The following CLVS1 variants were observed in gnomAD, a reference collection of about 807,000 sequenced individuals.
CLVS1 encodes the protein clavesin 1, also known as clavesin-1.
Under a neutral mutation model 33.1 loss-of-function variants are expected in CLVS1, and 10 were observed. The observed-to-expected ratio is 0.30, with a 90% CI of 0.19 to 0.51. CLVS1 has a LOEUF of 0.51. CLVS1 is among the 20% of genes least tolerant of loss of function. The probability of loss-of-function intolerance (pLI) is 0.97; values close to 1 mark genes in which losing one functional copy is unlikely to be tolerated. For synonymous variants in CLVS1, 163 were observed against 166.1 expected, an observed-to-expected ratio of 0.98 and a Z score of 0.14; for missense variants, 343 against 433.4, an observed-to-expected ratio of 0.79 and a Z score of 1.85.
chr8:60,981,159 G>A, the CLVS1 span, among the ~76,000 whole-genome samples: 15 of 152,194 alleles, frequency 9.9e-5, no homozygotes, highest in Non-Finnish European at 2.2e-4. Flanking sequence ...AGTTGCAGCA[G>A]CCACAGGAAA....
At chr8:61,207,992 A>T (rs924122722) in intron 2 of CLVS1, among the ~76,000 whole-genome samples, 1 of 152,234 alleles carries the variant, frequency 6.6e-6, no homozygotes, top group Non-Finnish European at 1.5e-5. Context: ...GCAGGTAGAT[A>T]AAAGCGAGGA....
intron 2 of CLVS1, among the ~76,000 whole-genome samples, chr8:61,367,538 CCT>C (rs1036639702): frequency 1.3e-5 from 2 of 152,172 alleles, no homozygotes; most frequent in Non-Finnish European, 2.9e-5. Context: ...CTTTGCAACC[CCT>C]GTTACTTTCT....
intron 2 of CLVS1, among the ~76,000 whole-genome samples, chr8:61,186,498 G>T (rs1374884553): frequency 6.6e-6 from 1 of 152,122 alleles, no homozygotes; most frequent in South Asian, 2.1e-4. Context: ...GATGAGAGAG[G>T]GAAGAAAGTG....
At chr8:61,213,070 G>A (rs923875370) in intron 2 of CLVS1, among the ~76,000 whole-genome samples, 1 of 151,916 alleles carries the variant, frequency 6.6e-6, no homozygotes, top group Non-Finnish European at 1.5e-5. Flanking sequence ...TTTAATATTA[G>A]GGTGTAGGTG....
the CLVS1 span, among the ~76,000 whole-genome samples, chr8:61,007,213 C>T: frequency 2.6e-5 from 4 of 152,116 alleles, no homozygotes; most frequent in Admixed American, 2.0e-4. Context: ...TAATTTTAGT[C>T]GTGTTTAGAT....
chr8:61,095,253 T>C (rs1019219259), intron 1 of CLVS1, among the ~76,000 whole-genome samples: 1 of 152,218 alleles, frequency 6.6e-6, no homozygotes, highest in East Asian at 1.9e-4. Context: ...AAACCAACTA[T>C]GCAAAATAGC....
intron 1 of CLVS1, among the ~76,000 whole-genome samples, chr8:61,070,267 G>A (rs948115180): frequency 3.3e-5 from 5 of 152,154 alleles, no homozygotes; most frequent in Non-Finnish European, 7.4e-5. Context: ...CATATCACAT[G>A]CACTCCTCTT....
chr8:61,217,512 T>C (rs1182399310), intron 2 of CLVS1, among the ~76,000 whole-genome samples: 1 of 152,318 alleles, frequency 6.6e-6, no homozygotes, highest in East Asian at 1.9e-4. Flanking sequence ...ACCTCATGGT[T>C]CAGTTCAACA....
intron 1 of CLVS1, among the ~76,000 whole-genome samples, chr8:61,063,309 G>GAGA (rs1804619215): frequency 2.0e-5 from 3 of 148,698 alleles, no homozygotes; most frequent in Non-Finnish European, 4.4e-5. Context: ...GAGAGAGAGA[G>GAGA]AACAGTCATT....
At chr8:61,184,141 C>T (rs1291194763) in intron 2 of CLVS1, among the ~76,000 whole-genome samples, 2 of 152,136 alleles carry the variant, frequency 1.3e-5, no homozygotes, top group African/African-American at 2.4e-5. Flanking sequence ...TTTCATTAGC[C>T]TCCAGCCCAA....
chr8:61,477,723 A>G (rs572906150), intron 5 of CLVS1, among the ~76,000 whole-genome samples: 1 of 151,870 alleles, frequency 6.6e-6, no homozygotes, highest in Non-Finnish European at 1.5e-5. Context: ...TGGTCTATCA[A>G]TTTTGTCGAT....
the CLVS1 span, among the ~76,000 whole-genome samples, chr8:61,007,753 G>A: frequency 5.9e-5 from 9 of 152,342 alleles, no homozygotes; most frequent in South Asian, 1.9e-3. Flanking sequence ...AGAAAAGGAC[G>A]TGCAGGACAC....
intron 2 of CLVS1, among the ~76,000 whole-genome samples, chr8:61,234,587 T>A (rs1267462299): frequency 6.6e-6 from 1 of 152,066 alleles, no homozygotes; most frequent in Non-Finnish European, 1.5e-5. Flanking sequence ...CACCCTCAGG[T>A]CCACCCTAGG....
At chr8:61,433,153 C>A (rs79031639) in intron 3 of CLVS1, among the ~76,000 whole-genome samples, 2,277 of 152,300 alleles carry the variant, frequency 0.015, 60 homozygotes, top group African/African-American at 0.051. Flanking sequence ...GGTGTTTCAC[C>A]ATGTTGCCCA....
At chr8:60,971,270 G>A in the CLVS1 span, among the ~76,000 whole-genome samples, 1 of 151,894 alleles carries the variant, frequency 6.6e-6, no homozygotes, top group Non-Finnish European at 1.5e-5. Flanking sequence ...GTAGCGATAG[G>A]GTTTCGCCAT....
intron 3 of CLVS1, among the ~76,000 whole-genome samples, chr8:61,453,438 C>T (rs73257400): frequency 0.02 from 3,025 of 151,994 alleles, 93 homozygotes; most frequent in African/African-American, 0.063. Flanking sequence ...CTATTATTTA[C>T]GAAATAGGTT....
At chr8:61,319,138 G>A (rs1811110671) in intron 2 of CLVS1, among the ~76,000 whole-genome samples, 1 of 151,938 alleles carries the variant, frequency 6.6e-6, no homozygotes, top group Non-Finnish European at 1.5e-5. Context: ...CTCTACCATG[G>A]CATTTAATTT....
chr8:61,294,355 T>C (rs938207392), intron 1 of CLVS1, among the ~76,000 whole-genome samples: 2 of 152,148 alleles, frequency 1.3e-5, no homozygotes, highest in South Asian at 2.1e-4. Context: ...AATTAGACTA[T>C]ATAATATCAA....
At chr8:61,365,947 C>A (rs1813195128) in intron 2 of CLVS1, among the ~76,000 whole-genome samples, 1 of 152,132 alleles carries the variant, frequency 6.6e-6, no homozygotes, top group Admixed American at 6.5e-5. Context: ...AGTGCTTAAA[C>A]CAATGCTAAT....
Sources: allele counts gnomAD v4.1 joint callset (sites outside exome capture counted in the v4.1 genomes callset), GRCh38; gene constraint gnomAD v4.1.1; transcripts MANE v1.5; gene names NCBI Gene and HGNC (gene_info 2026-07-23, HGNC 2026-07-21).